ARHGAP21: variants seen among roughly 807,000 people sequenced by gnomAD.
ARHGAP21 encodes rho GTPase-activating protein 21.
A neutral mutation model predicts 164.6 loss-of-function variants in ARHGAP21; 38 were observed. That is an observed-to-expected ratio of 0.23 (90% CI 0.18 to 0.30). The LOEUF is 0.30. ARHGAP21 is among the 10% of genes least tolerant of loss of function. ARHGAP21 has a pLI of 1.00. For missense variants in ARHGAP21, 1,822 were observed against 2,370.7 expected (o/e 0.77, Z 4.81); for synonymous variants, 766 against 857.9 (o/e 0.89, Z 1.87).
chr10:24,594,062 T>C (rs1033353690), intron 21 of ARHGAP21, among the ~76,000 whole-genome samples: 1 of 152,134 alleles, frequency 6.6e-6, no homozygotes, highest in East Asian at 1.9e-4. Context: ...GATCTTTCTC[T>C]ACCTTAAGGA....
intron 13 of ARHGAP21, among the ~76,000 whole-genome samples, chr10:24,601,374 G>T (rs1333534715): frequency 1.3e-5 from 2 of 152,084 alleles, no homozygotes; most frequent in Admixed American, 1.3e-4. Context: ...ACTTTATATG[G>T]CTAAGCAACT....
intron 4 of ARHGAP21, among the ~76,000 whole-genome samples, chr10:24,638,086 C>G (rs758884024): frequency 1.3e-5 from 2 of 152,068 alleles, no homozygotes; most frequent in South Asian, 4.2e-4. Flanking sequence ...AGGCCGGTCT[C>G]GAACTCCTGA....
chr10:24,606,545 G>A (rs1008936886), intron 11 of ARHGAP21, among the ~76,000 whole-genome samples: 1 of 152,126 alleles, frequency 6.6e-6, no homozygotes, highest in Non-Finnish European at 1.5e-5. Context: ...TATTGTTGGT[G>A]GGAATGTGGT....
intron 4 of ARHGAP21, among the ~76,000 whole-genome samples, chr10:24,655,867 C>T (rs868078238): frequency 4.7e-4 from 63 of 134,736 alleles, no homozygotes; most frequent in African/African-American, 1.7e-3. Flanking sequence ...TGCCCCGCCA[C>T]CCCATCTGGG....
intron 1 of ARHGAP21, 179 bp from the exon 2 acceptor site, chr10:24,722,458 A>T: frequency 6.4e-6 from 1 of 156,616 alleles, no homozygotes; most frequent in Admixed American, 6.1e-5. Context: ...GAAATCTCGA[A>T]ACTGCCCAGC....
In ARHGAP21 at chr10:24,656,152, G is replaced by A. The variant is rs546993477; in HGVS notation, c.268+10833C>T. 1.9e-3 allele frequency among the ~76,000 whole-genome samples: 255 copies of A among 131,230 alleles called. No homozygotes were observed. The Middle Eastern group carries it at 0.022, about 11-fold the overall frequency. 86.1% of individuals were successfully genotyped at this position (131,230 alleles called of 152,430 possible). On this transcript the variant is annotated intron_variant, in intron 4 of 25. Transcript: ENST00000396432. ...TCTCCGCCCGGCAGCCACCCCGTCC[G>A]GGAGGGAGGTGGGGGGGGTCAGCCC...
chr10:24,639,766 A>G (rs1310544520), intron 4 of ARHGAP21, among the ~76,000 whole-genome samples: 1 of 152,212 alleles, frequency 6.6e-6, no homozygotes, highest in Non-Finnish European at 1.5e-5. Context: ...AAAGTGCTAC[A>G]TCTATAGGCC....
At chr10:24,708,999 A>G (rs1251907760) in intron 2 of ARHGAP21, among the ~76,000 whole-genome samples, 5 of 151,968 alleles carry the variant, frequency 3.3e-5, no homozygotes, top group Admixed American at 3.3e-4. Context: ...AGAAATCTCC[A>G]CACAGTTTTC....
chr10:24,709,508 C>T (rs978101289), intron 2 of ARHGAP21, among the ~76,000 whole-genome samples: 5 of 152,000 alleles, frequency 3.3e-5, no homozygotes, highest in Non-Finnish European at 4.4e-5. Context: ...GAGGCTGAGA[C>T]GACAGGACAG....
At chr10:24,589,997 A>G (rs772774911) in intron 24 of ARHGAP21, 7 of 214,644 alleles carry the variant, frequency 3.3e-5, no homozygotes, top group East Asian at 1.5e-4. Flanking sequence ...AATGGAGACC[A>G]TAATTTTACT....
chr10:24,679,577 C>T (rs947623498), intron 2 of ARHGAP21, among the ~76,000 whole-genome samples: 1 of 152,194 alleles, frequency 6.6e-6, no homozygotes, highest in African/African-American at 2.4e-5. Flanking sequence ...ACATGCCCAC[C>T]AGCAGTGTAT....
chr10:24,643,578 TCTTA>T (rs758232908), intron 4 of ARHGAP21, among the ~76,000 whole-genome samples: 7 of 152,212 alleles, frequency 4.6e-5, no homozygotes, highest in Admixed American at 1.3e-4. Context: ...TTACTTTCTT[TCTTA>T]CTAAGATTAC....
chr10:24,591,140 C>G lies in ARHGAP21; in HGVS notation c.4150+85G>C. On this transcript the variant is annotated intron_variant, in intron 24 of 25. Coordinates refer to ENST00000396432, the MANE Select transcript of ARHGAP21 (RefSeq NM_020824.4). ...AGAAAAAGAAAAAAATCATAAGTAA[C>G]AATTCACTATGATTGATTTGCTCTT... is the stretch of plus-strand genomic sequence containing the variant. 3 of 1,182,070 alleles carry G rather than the reference C, an allele frequency of 2.5e-6. No homozygotes were observed. In the South Asian group the frequency reaches 4.5e-5, roughly 18 times the overall value. 73.2% of individuals were successfully genotyped at this position (1,182,070 alleles called of 1,614,324 possible). A position where few individuals can be genotyped will look rare whatever the true frequency, so the allele number is the denominator to read the frequency against.
intron 4 of ARHGAP21, among the ~76,000 whole-genome samples, chr10:24,640,999 T>C (rs1380286574): frequency 6.6e-6 from 1 of 152,030 alleles, no homozygotes; most frequent in Non-Finnish European, 1.5e-5. Flanking sequence ...AAAAGAAAGG[T>C]TATGAGGGGG....
intron 7 of ARHGAP21, among the ~76,000 whole-genome samples, chr10:24,623,502 G>C (rs948614267): frequency 1.3e-5 from 2 of 152,200 alleles, no homozygotes; most frequent in African/African-American, 4.8e-5. Flanking sequence ...TTTATGGCAT[G>C]AATACAGTTA....
chr10:24,593,789 C>CTAT (rs2076447981), intron 21 of ARHGAP21, among the ~76,000 whole-genome samples: 1 of 151,986 alleles, frequency 6.6e-6, no homozygotes, highest in Admixed American at 6.6e-5. Context: ...TAATTAGAGA[C>CTAT]TATTTCAGCT....
At chr10:24,648,219 C>T (rs1489894878) in intron 4 of ARHGAP21, among the ~76,000 whole-genome samples, 2 of 152,186 alleles carry the variant, frequency 1.3e-5, no homozygotes, top group East Asian at 1.9e-4. Context: ...CCACCTCCCT[C>T]GAACAGGTAC....
intron 2 of ARHGAP21, among the ~76,000 whole-genome samples, chr10:24,691,845 G>A (rs1842785652): frequency 6.6e-6 from 1 of 152,136 alleles, no homozygotes; most frequent in African/African-American, 2.4e-5. Context: ...CCTTTTACAA[G>A]GGCAAACTGT....
chr10:24,589,539 A>G, intron 24 of ARHGAP21: 1 of 466,708 alleles, frequency 2.1e-6, no homozygotes. Context: ...GAAATGGCAA[A>G]GGAGCCCTGT....
Sources: allele counts gnomAD v4.1 joint callset (sites outside exome capture counted in the v4.1 genomes callset), GRCh38; gene constraint gnomAD v4.1.1; transcripts MANE v1.5; gene names NCBI Gene and HGNC (gene_info 2026-07-23, HGNC 2026-07-21).